The following SYN2 variants were observed in gnomAD, a reference collection of about 807,000 sequenced individuals.
SYN2 encodes synapsin-2.
In SYN2, 19 loss-of-function variants were observed where a neutral mutation model predicts 50.9. The observed-to-expected ratio is 0.37, with a 90% CI of 0.26 to 0.55. The LOEUF is 0.55. Ranked by LOEUF, SYN2 falls within the 20% of genes least tolerant of loss-of-function variation. The pLI is 0.81. For missense variants in SYN2, 587 were observed against 576.4 expected, an observed-to-expected ratio of 1.02 and a Z score of -0.19; for synonymous variants, 255 against 224.9, an observed-to-expected ratio of 1.13 and a Z score of -1.20.
intron 1 of SYN2, among the ~76,000 whole-genome samples, chr3:12,118,410 A>G (rs1474486548): frequency 6.6e-6 from 1 of 152,190 alleles, no homozygotes; most frequent in Non-Finnish European, 1.5e-5. Flanking sequence ...AAATACGTGA[A>G]TGAATGAATA....
At chr3:12,065,279 G>A (rs1011236625) in intron 1 of SYN2, among the ~76,000 whole-genome samples, 3 of 152,110 alleles carry the variant, frequency 2.0e-5, no homozygotes, top group African/African-American at 7.2e-5. Context: ...ATTAGTCACC[G>A]TGGAAAACAG....
chr3:12,067,665 T>C (rs1695245084), intron 1 of SYN2, among the ~76,000 whole-genome samples: 1 of 152,158 alleles, frequency 6.6e-6, no homozygotes, highest in Admixed American at 6.5e-5. Context: ...CTTGACACTT[T>C]CTGAACTTTC....
At chr3:12,028,188 C>T (rs908392930) in intron 1 of SYN2, among the ~76,000 whole-genome samples, 5 of 151,610 alleles carry the variant, frequency 3.3e-5, no homozygotes, top group African/African-American at 1.2e-4. Context: ...ATCCATGTCC[C>T]TACAAAGGAC....
At chr3:12,077,049 T>C (rs960561878) in intron 1 of SYN2, among the ~76,000 whole-genome samples, 5 of 152,124 alleles carry the variant, frequency 3.3e-5, no homozygotes, top group African/African-American at 1.2e-4. Context: ...TCCTCCCTGA[T>C]TTTTTCCTGA....
At chr3:12,112,811 A>G (rs1464433121) in intron 1 of SYN2, among the ~76,000 whole-genome samples, 2 of 152,178 alleles carry the variant, frequency 1.3e-5, no homozygotes, top group African/African-American at 2.4e-5. Flanking sequence ...CTTGCAGTGC[A>G]CTTTTAAAAA....
At chr3:12,037,833 G>A (rs955675987) in intron 1 of SYN2, among the ~76,000 whole-genome samples, 1 of 152,126 alleles carries the variant, frequency 6.6e-6, no homozygotes, top group Admixed American at 6.5e-5. Flanking sequence ...TATATGATTT[G>A]CAAATATTTT....
chr3:12,176,322 A>G (rs531646707), intron 10 of SYN2, among the ~76,000 whole-genome samples: 2 of 152,118 alleles, frequency 1.3e-5, no homozygotes, highest in South Asian at 2.1e-4. Flanking sequence ...TGTTTTTTTC[A>G]TTTCTCATTA....
chr3:12,034,212 GTTATTA>G (rs1399650880), intron 1 of SYN2, among the ~76,000 whole-genome samples: 1 of 152,028 alleles, frequency 6.6e-6, no homozygotes, highest in Non-Finnish European at 1.5e-5. Context: ...GTTTTTTTAT[GTTATTA>G]TTATAGTCAT....
At chr3:12,050,937 T>G (rs1222434049) in intron 1 of SYN2, among the ~76,000 whole-genome samples, 1 of 146,704 alleles carries the variant, frequency 6.8e-6, no homozygotes, top group Non-Finnish European at 1.5e-5. Context: ...GGGTTTCACC[T>G]TGTTAGCCAG....
intron 1 of SYN2, among the ~76,000 whole-genome samples, chr3:12,035,057 C>T (rs1023306235): frequency 7.2e-5 from 11 of 152,156 alleles, no homozygotes; most frequent in African/African-American, 2.7e-4. Context: ...AATGGTGGGA[C>T]AGGCATAGGA....
At chr3:12,095,390 T>A (rs2125184705) in intron 1 of SYN2, among the ~76,000 whole-genome samples, 1 of 140,086 alleles carries the variant, frequency 7.1e-6, no homozygotes, top group South Asian at 2.5e-4. Context: ...TACTAAAAAA[T>A]ACAAAAAATT....
At position 12,142,803 on chromosome 3, in the gene SYN2, A is replaced by C. The variant is rs1248960456; in HGVS notation, c.527+807A>C. Among the ~76,000 whole-genome samples, 4 of 151,770 alleles carry C rather than the reference A, an allele frequency of 2.6e-5. No individual in the cohort carries two copies. The South Asian group carries it at 8.3e-4, about 32-fold the overall frequency. On this transcript the variant is annotated intron_variant, in intron 3 of 12. Coordinates refer to ENST00000621198, the MANE Select transcript of SYN2 (RefSeq NM_133625.6). ...TTGTTCCAAGAAGAGTCTTCACCTC[A>C]CTCTCTTCTCCACCTCAATCTACAG...
At chr3:12,047,104 C>T (rs1694756744) in intron 1 of SYN2, among the ~76,000 whole-genome samples, 1 of 151,758 alleles carries the variant, frequency 6.6e-6, no homozygotes, top group Non-Finnish European at 1.5e-5. Context: ...TATTAATGTT[C>T]CAATTATGTG....
chr3:12,005,909 G>A (rs1400844474), intron 1 of SYN2, among the ~76,000 whole-genome samples: 4 of 143,304 alleles, frequency 2.8e-5, no homozygotes, highest in Non-Finnish European at 5.9e-5. Flanking sequence ...TGGTGGGATG[G>A]TGAAATTGAT....
chr3:12,027,980 CT>C (rs147917648), intron 1 of SYN2, among the ~76,000 whole-genome samples: 11,879 of 145,854 alleles, frequency 0.081, 1,662 homozygotes, highest in African/African-American at 0.29. Flanking sequence ...TGCTCTACTT[CT>C]TTTTTTTATT....
intron 1 of SYN2, among the ~76,000 whole-genome samples, chr3:12,091,749 C>G (rs1012403973): frequency 1.3e-5 from 2 of 152,152 alleles, no homozygotes; most frequent in African/African-American, 4.8e-5. Flanking sequence ...GTGGTCTACC[C>G]CCTGTATTTT....
chr3:12,191,630 C>T lies in SYN2; in HGVS notation c.*1005C>T, dbSNP rs541395869. Among the ~76,000 whole-genome samples, 3 of 152,260 alleles carry T rather than the reference C, an allele frequency of 2.0e-5. No individual in the cohort carries two copies. The South Asian group carries it at 6.2e-4, about 32-fold the overall frequency. On this transcript the variant is annotated 3_prime_UTR_variant, in exon 13 of 13. Transcript: ENST00000621198. ...ATACCACTTCTGGGCCTCCTCGCAC[C>T]TCCCCAGTGAATCTGTCTCCTCCAA...
At chr3:12,057,265 C>G (rs1695011355) in intron 1 of SYN2, among the ~76,000 whole-genome samples, 1 of 145,652 alleles carries the variant, frequency 6.9e-6, no homozygotes, top group African/African-American at 2.6e-5. Flanking sequence ...GCACTCCAAC[C>G]TGGGCGACAA....
chr3:12,172,338 C>T (rs1349006577), intron 10 of SYN2, among the ~76,000 whole-genome samples: 1 of 152,244 alleles, frequency 6.6e-6, no homozygotes, highest in Admixed American at 6.5e-5. Flanking sequence ...AAGACCCTCA[C>T]TCCTAACATC....
Sources: gnomAD v4.1 joint callset for allele counts (sites outside exome capture counted in the v4.1 genomes callset) on GRCh38, gnomAD v4.1.1 for gene constraint, MANE v1.5 for transcripts, NCBI Gene and HGNC (gene_info 2026-07-23, HGNC 2026-07-21) for gene names.